TSPEAR: variants seen among roughly 807,000 people sequenced by gnomAD.
The protein encoded by TSPEAR is thrombospondin-type laminin G domain and EAR repeat-containing protein.
TSPEAR carries 69 observed loss-of-function variants against 71.6 expected under a neutral mutation model. The observed-to-expected ratio is 0.96, with a 90% CI of 0.79 to 1.18. The LOEUF is 1.18. Among genes scored for constraint, TSPEAR ranks in the 50% most tolerant of loss-of-function variants. The pLI, the probability that TSPEAR is intolerant of heterozygous loss-of-function variation, is 0.00. For synonymous variants in TSPEAR, 402 were observed against 387.2 expected (o/e 1.04, Z -0.45); for missense variants, 971 against 894.9 (o/e 1.09, Z -1.09).
chr21:44,513,005 G>GTTCAATC (rs2052437799), intron 9 of TSPEAR, among the ~76,000 whole-genome samples: 1 of 152,202 alleles, frequency 6.6e-6, no homozygotes, highest in African/African-American at 2.4e-5. Flanking sequence ...CAGGGTCCCT[G>GTTCAATC]TTCAATCTAA....
chr21:44,509,231 G>A lies in TSPEAR; in HGVS notation c.1722C>T (p.Ala574=). Residue 574 remains alanine, a synonymous_variant, in exon 10 of 12, where the codon GCC becomes GCT. Coordinates refer to ENST00000323084, the MANE Select transcript of TSPEAR (RefSeq NM_144991.3). ...TGAGAATGTCCTGGAACTTGACAAA[G>A]GCCTGCGCGGTCACGTTCAGCTCGT... ...VIYELNVTAQ[A]FVKFQDILTC... 6.2e-7 allele frequency: 1 copy of A among 1,614,038 alleles called. No homozygotes were observed. The highest frequency in any genetic ancestry group is 1.1e-5 in the South Asian group (1 of 91,062).
intron 2 of TSPEAR, 70 bp from the exon 3 acceptor site, chr21:44,533,993 G>C: frequency 8.7e-7 from 1 of 1,147,694 alleles, no homozygotes; most frequent in East Asian, 2.6e-5. Flanking sequence ...GGGCAGATGG[G>C]AATGGCAGAG....
intron 1 of TSPEAR, among the ~76,000 whole-genome samples, chr21:44,604,306 C>T (rs1409756662): frequency 6.6e-6 from 1 of 151,982 alleles, no homozygotes; most frequent in Admixed American, 6.5e-5. Context: ...CAGTATGTAA[C>T]AAAAGATTCA....
chr21:44,702,724 G>C, intron 1 of TSPEAR: 1 of 1,460,370 alleles, frequency 6.8e-7, no homozygotes, highest in Non-Finnish European at 9.6e-7. Flanking sequence ...AGCCTCCTGC[G>C]TGTCCCTCCT....
Position 44,509,297 on chromosome 21 carries a change from C to T in TSPEAR, c.1656G>A (p.Met552Ile), listed in dbSNP as rs1280706164. The T allele has an allele frequency of 2.5e-6, 4 of 1,613,970 alleles. No homozygotes were observed. Among genetic ancestry groups the T allele is most frequent in the East Asian group, 2.2e-5 (1 of 44,874 alleles). Reference sequence around the variant, plus strand: ...TGACATAGGAATCATTCTGGACTTGCATCTCCACATCGTAGCTGTGACTGT... The same window carrying T: ...TGACATAGGAATCATTCTGGACTTGTATCTCCACATCGTAGCTGTGACTGT... ...VANSHSYDVEMQVQNDSYVIN... is the reference protein window; with the variant it reads ...VANSHSYDVEIQVQNDSYVIN... The change falls in exon 10 of 12, where the codon ATG (methionine) becomes ATA (isoleucine). Residue 552 changes from methionine to isoleucine, a missense_variant. By Grantham distance (10) the Met-to-Ile change is conservative (BLOSUM62 1). Transcript: ENST00000323084.
intron 9 of TSPEAR, chr21:44,518,715 T>C: frequency 2.1e-6 from 1 of 470,532 alleles, no homozygotes; most frequent in South Asian, 1.5e-5. Context: ...AGTGACTGCC[T>C]ACGTCTTCTT....
chr21:44,528,662 A>C, intron 5 of TSPEAR, 79 bp from the exon 6 acceptor site: 3 of 1,556,426 alleles, frequency 1.9e-6, no homozygotes, highest in Middle Eastern at 1.7e-4. Flanking sequence ...AGGCCCCCAA[A>C]CCAGGCTGCC....
intron 10 of TSPEAR, among the ~76,000 whole-genome samples, chr21:44,507,711 T>A (rs1156786213): frequency 1.3e-5 from 2 of 152,260 alleles, no homozygotes; most frequent in Non-Finnish European, 2.9e-5. Context: ...TAATTTTTAA[T>A]CACAATTCAT....
At chr21:44,650,423 C>CGGCAGAGACTGGGGCCACGTGACGATGGT (rs1984711016) in intron 1 of TSPEAR, among the ~76,000 whole-genome samples, 1 of 151,952 alleles carries the variant, frequency 6.6e-6, no homozygotes, top group Non-Finnish European at 1.5e-5. Context: ...GTGACGACGG[C>CGGCAGAGACTGGGGCCACGTGACGATGGT]GGCAGAGACT....
intron 1 of TSPEAR, chr21:44,637,535 C>T: frequency 1.2e-6 from 2 of 1,613,616 alleles, no homozygotes; most frequent in Non-Finnish European, 1.7e-6. Flanking sequence ...CAGCTTGACC[C>T]TGGTCTGCAC....
At chr21:44,704,366 AC>A (rs2146334468) in intron 1 of TSPEAR, among the ~76,000 whole-genome samples, 1 of 150,828 alleles carries the variant, frequency 6.6e-6, no homozygotes, top group Admixed American at 6.6e-5. Context: ...TCCAGACTTT[AC>A]CCCCTCTGTG....
At chr21:44,696,967 T>C (rs182802809) in intron 1 of TSPEAR, among the ~76,000 whole-genome samples, 1 of 152,024 alleles carries the variant, frequency 6.6e-6, no homozygotes, top group Non-Finnish European at 1.5e-5. Flanking sequence ...TTGAGAGATA[T>C]ATAAGCTCCT....
intron 1 of TSPEAR, among the ~76,000 whole-genome samples, chr21:44,616,096 G>A (rs1234179678): frequency 3.3e-5 from 5 of 152,252 alleles, no homozygotes; most frequent in African/African-American, 7.2e-5. Flanking sequence ...AGAGTGCAGC[G>A]TGTCGGCGGG....
At chr21:44,510,618 AAG>A (rs1426909483) in intron 9 of TSPEAR, 1 of 152,174 alleles carries the variant, frequency 6.6e-6, no homozygotes, top group Non-Finnish European at 1.5e-5. Flanking sequence ...TGCTGCAGGA[AAG>A]AGAAAACTCT....
rs192441633 is a variant in TSPEAR at position 44,667,468 on chromosome 21, G to A, written c.82+43965C>T. On this transcript the variant is annotated intron_variant, in intron 1 of 11. Transcript: ENST00000323084. ...GTGGGTCACAGAGAACTTCTTGTGAGTGGTGACCATGGATCTTTGTCTTGA... is the reference window on the plus strand; with the variant it reads ...GTGGGTCACAGAGAACTTCTTGTGAATGGTGACCATGGATCTTTGTCTTGA... 1.2e-4 allele frequency among the ~76,000 whole-genome samples: 19 copies of A among 152,298 alleles called. No homozygotes were observed. In the South Asian group the frequency reaches 3.3e-3, roughly 27 times the overall value.
chr21:44,626,468 C>T (rs782542262), intron 1 of TSPEAR, among the ~76,000 whole-genome samples: 1 of 152,218 alleles, frequency 6.6e-6, no homozygotes, highest in Non-Finnish European at 1.5e-5. Flanking sequence ...CCTAGCACAG[C>T]TACTTCACGG....
At chr21:44,539,818 CAG>C (rs781903403) in intron 2 of TSPEAR, 1 of 1,576,706 alleles carries the variant, frequency 6.3e-7, no homozygotes, top group African/African-American at 1.4e-5. Context: ...AGCAGGTGGG[CAG>C]GCAGCACACA....
At chr21:44,595,078 TC>T (rs1555927459) in intron 1 of TSPEAR, among the ~76,000 whole-genome samples, 1 of 152,176 alleles carries the variant, frequency 6.6e-6, no homozygotes, top group East Asian at 1.9e-4. Flanking sequence ...TACCTTGGCC[TC>T]CCAAACATGC....
intron 4 of TSPEAR, 45 bp from the exon 5 acceptor site, chr21:44,529,999 A>G (rs2145979646): frequency 6.7e-7 from 1 of 1,503,398 alleles, no homozygotes; most frequent in Non-Finnish European, 8.8e-7. Context: ...CTGCTGGGGA[A>G]GGACCCGCTG....
Sources: allele counts gnomAD v4.1 joint callset (sites outside exome capture counted in the v4.1 genomes callset), GRCh38; gene constraint gnomAD v4.1.1; transcripts MANE v1.5; gene names NCBI Gene and HGNC (gene_info 2026-07-23, HGNC 2026-07-21).